The following FIGNL2 variants were observed in gnomAD, a reference collection of about 807,000 sequenced individuals.
FIGNL2 encodes fidgetin like 2.
For missense variants in FIGNL2, 1,060 were observed against 950.2 expected (o/e 1.12, Z -1.52); for synonymous variants, 565 against 484.0 (o/e 1.17, Z -2.20).
At chr12:51,823,058 A>T (rs1939260730) in intron 1 of FIGNL2, among the ~76,000 whole-genome samples, 1 of 152,186 alleles carries the variant, frequency 6.6e-6, no homozygotes, top group South Asian at 2.1e-4. Flanking sequence ...ATCCATGGGA[A>T]ACCTCAGTGG....
intron 1 of FIGNL2, among the ~76,000 whole-genome samples, chr12:51,832,165 C>T: frequency 6.6e-6 from 1 of 151,990 alleles, no homozygotes; most frequent in Non-Finnish European, 1.5e-5. Flanking sequence ...TACAAGTGCC[C>T]ACCACCACGC....
Position 51,822,022 on chromosome 12 carries a change from C to T in FIGNL2, c.392G>A (p.Gly131Asp). The change falls in exon 2 of 2, where the codon GGC becomes GAC. Residue 131 changes from glycine to aspartate, a missense_variant. Coordinates refer to ENST00000618634, the MANE Select transcript of FIGNL2 (RefSeq NM_001384995.1). ...GAGGTTCCCGGCTAAAACTGGGGAG[C>T]CCCCCAGGGCCCCGGAACCGCCGCC... is the stretch of plus-strand genomic sequence containing the variant. ...GGGGGSGALG[G>D]SPVLAGNLPE... 1.2e-6 allele frequency: 2 copies of T among 1,601,118 alleles called. No individual in the cohort carries two copies. Among genetic ancestry groups the T allele is most frequent in the Non-Finnish European group, 1.7e-6 (2 of 1,174,734 alleles).
intron 1 of FIGNL2, among the ~76,000 whole-genome samples, chr12:51,846,373 A>C (rs1423234999): frequency 6.6e-6 from 1 of 152,176 alleles, no homozygotes; most frequent in Non-Finnish European, 1.5e-5. Context: ...ACAATGAGGA[A>C]GGCATTTGGC....
chr12:51,842,597 T>A (rs1290480950), intron 1 of FIGNL2, among the ~76,000 whole-genome samples: 1 of 152,114 alleles, frequency 6.6e-6, no homozygotes, highest in Non-Finnish European at 1.5e-5. Context: ...CGGCTGCAGG[T>A]GGACCCTCCC....
intron 1 of FIGNL2, among the ~76,000 whole-genome samples, chr12:51,826,523 C>T (rs1172943441): frequency 6.6e-6 from 1 of 151,296 alleles, no homozygotes; most frequent in Non-Finnish European, 1.5e-5. Context: ...CCTGTAATCC[C>T]AGCTACTTGG....
rs763435303 is a variant in FIGNL2, at chr12:51,820,473, T to G, written c.1941A>C (p.Lys647Asn). 1 of 1,590,438 alleles carries G rather than the reference T, an allele frequency of 6.3e-7. No individual in the cohort carries two copies. The highest frequency in any genetic ancestry group is 1.1e-5 in the South Asian group (1 of 89,022). Reference sequence around the variant, plus strand: ...GCCGTCAGTGTCCGGAGCCGTACATTTTGTCCCACTCCACGAACGAGTCCA... The same window carrying G: ...GCCGTCAGTGTCCGGAGCCGTACATGTTGTCCCACTCCACGAACGAGTCCA... ...KELDSFVEWD[K>N]MYGSGH is the part of the protein sequence containing the mutation. The change falls in exon 2 of 2, where the codon AAA becomes AAC. Residue 647 changes from lysine to asparagine, a missense_variant. Physicochemically the swap from Lys to Asn is moderately conservative, Grantham distance 94 (BLOSUM62 0). Transcript: ENST00000618634.
Position 51,825,619 on chromosome 12 carries a change from C to CTTT in FIGNL2, c.-11-3198_-11-3196dup, listed in dbSNP as rs770930359. 1.0e-3 allele frequency among the ~76,000 whole-genome samples: 138 copies of CTTT among 134,862 alleles called. 1 individual carries two copies. The highest frequency in any genetic ancestry group is 1.4e-3 in the Non-Finnish European group (87 of 62,426). The allele number at this position is 134,862 out of a possible 152,430, so 88.5% of individuals were successfully genotyped here. On this transcript the variant is annotated intron_variant, in intron 1 of 1. Transcript: ENST00000618634. Reference sequence around the variant, plus strand: ...GAGAGGGGAACTTGTCCATGACACTCTTTTTTTTTTTTTTTGAGACGGAGT... The same window carrying CTTT: ...GAGAGGGGAACTTGTCCATGACACTCTTTTTTTTTTTTTTTTTTGAGACGGAGT...
At position 51,821,164 on chromosome 12, in the gene FIGNL2, G is replaced by A; in HGVS notation, c.1250C>T (p.Ala417Val). The A allele has an allele frequency of 6.8e-7, 1 of 1,478,416 alleles. No individual in the cohort carries two copies. The highest frequency in any genetic ancestry group is 8.9e-7 in the Non-Finnish European group (1 of 1,125,276). The allele number at this position is 1,478,416 out of a possible 1,614,324, so 91.6% of individuals were successfully genotyped here. ...ELVWPLLRPP[A>V]YPGSLRPPRT... is the part of the protein sequence containing the mutation. ...CGGCGGGCGCAGGCTGCCCGGGTAG[G>A]CGGGCGGCCTGAGCAGGGGCCACAC... is the stretch of plus-strand genomic sequence containing the variant. The change falls in exon 2 of 2, where the codon GCC becomes GTC. Residue 417 changes from alanine to valine, a missense_variant. Coordinates refer to ENST00000618634, the MANE Select transcript of FIGNL2 (RefSeq NM_001384995.1).
At chr12:51,836,611 C>T (rs900869924) in intron 1 of FIGNL2, among the ~76,000 whole-genome samples, 10 of 152,192 alleles carry the variant, frequency 6.6e-5, no homozygotes, top group South Asian at 2.1e-4. Context: ...CTGTTGGTGC[C>T]GGATTATCCC....
At chr12:51,826,704 A>T (rs1416549002) in intron 1 of FIGNL2, among the ~76,000 whole-genome samples, 2 of 151,852 alleles carry the variant, frequency 1.3e-5, no homozygotes, top group African/African-American at 4.8e-5. Context: ...AACTTCTGCT[A>T]AACTTAGTTC....
rs1939132939 is a variant in FIGNL2 at position 51,820,072 on chromosome 12, T to A, written c.*380A>T. Reference sequence around the variant, plus strand: ...GAGAAAACCAAGAGAATGCAGAGAATGGGATGGAGAGAGTGAGGGAGAAGG... The same window carrying A: ...GAGAAAACCAAGAGAATGCAGAGAAAGGGATGGAGAGAGTGAGGGAGAAGG... On this transcript the variant is annotated 3_prime_UTR_variant, in exon 2 of 2. Coordinates refer to ENST00000618634, the MANE Select transcript of FIGNL2 (RefSeq NM_001384995.1). 1 of 231,154 alleles carries A rather than the reference T, an allele frequency of 4.3e-6. No homozygotes were observed. Among genetic ancestry groups the A allele is most frequent in the Non-Finnish European group, 8.5e-6 (1 of 118,134 alleles). The allele number at this position is 231,154 out of a possible 1,614,324, so 14.3% of individuals were successfully genotyped here.
rs1435468686 is a variant in FIGNL2 at position 51,821,800 on chromosome 12, T to G, written c.614A>C (p.Tyr205Ser). ...GYGPSAPLYN[Y>S]PAGGYAAQPG... ...CTGCGCTGCGTAGCCCCCTGCGGGA[T>G]AGTTGTACAGCGGCGCTGAGGGCCC... The change falls in exon 2 of 2, where the codon TAT becomes TCT. Residue 205 changes from tyrosine to serine, a missense_variant. Transcript: ENST00000618634. The G allele has an allele frequency of 8.6e-6, 11 of 1,274,620 alleles. No homozygotes were observed. Among genetic ancestry groups the G allele is most frequent in the Non-Finnish European group, 9.8e-6 (10 of 1,015,928 alleles). The allele number at this position is 1,274,620 out of a possible 1,614,324, so 79.0% of individuals were successfully genotyped here.
Position 51,822,207 on chromosome 12 carries a change from C to A in FIGNL2, c.207G>T (p.Gly69=). ...LLKRYAEKYS[G]VLDSPYERPA... The stretch of plus-strand genomic sequence containing the variant: ...GACGCTCGTAGGGAGAATCCAAGAC[C>A]CCAGAGTACTTCTCTGCATAGCGCT... The change falls in exon 2 of 2, where the codon GGG becomes GGT. Residue 69 remains glycine (G), a synonymous_variant. Transcript: ENST00000618634. 1 of 1,611,912 alleles carries A rather than the reference C, an allele frequency of 6.2e-7. No individual in the cohort carries two copies. The highest frequency in any genetic ancestry group is 8.5e-7 in the Non-Finnish European group (1 of 1,179,132).
Position 51,827,651 on chromosome 12 carries a change from T to C in FIGNL2, c.-11-5227A>G, listed in dbSNP as rs367615983. ...AATTACAAATTCAGAACCCAAGCAG[T>C]GCCCCAACCTTGCTGAGTGACACTA... On this transcript the variant is annotated intron_variant, in intron 1 of 1. Coordinates refer to ENST00000618634, the MANE Select transcript of FIGNL2 (RefSeq NM_001384995.1). 7.9e-5 allele frequency among the ~76,000 whole-genome samples: 12 copies of C among 152,334 alleles called. No individual in the cohort carries two copies. The East Asian group carries it at 1.5e-3, about 20-fold the overall frequency.
At chr12:51,844,878 TG>T in intron 1 of FIGNL2, 1 of 985,380 alleles carries the variant, frequency 1.0e-6, no homozygotes, top group Non-Finnish European at 1.2e-6. Context: ...CGCTTGGTTC[TG>T]GCGGTCCTAC....
At chr12:51,843,173 C>T (rs1231881120) in intron 1 of FIGNL2, among the ~76,000 whole-genome samples, 6 of 152,108 alleles carry the variant, frequency 3.9e-5, no homozygotes, top group Non-Finnish European at 5.9e-5. Flanking sequence ...TGGACACCCG[C>T]GGGAGCAGCT....
chr12:51,823,643 T>C (rs1023443667), intron 1 of FIGNL2: 1 of 152,206 alleles, frequency 6.6e-6, no homozygotes, highest in African/African-American at 2.4e-5. Context: ...TGATAAAATA[T>C]CTCAAAGACT....
intron 1 of FIGNL2, among the ~76,000 whole-genome samples, chr12:51,834,018 CGGATGGAT>C (rs1190983636): frequency 2.0e-5 from 2 of 100,044 alleles, no homozygotes; most frequent in East Asian, 5.4e-4. Flanking sequence ...GACAAATGGA[CGGATGGAT>C]GGATGGATGG....
intron 1 of FIGNL2, among the ~76,000 whole-genome samples, chr12:51,826,632 TC>T (rs199661054): frequency 0.39 from 41,101 of 105,256 alleles, 6,396 homozygotes; most frequent in Admixed American, 0.47. Context: ...AGAGCGAAAC[TC>T]CCATCTCAAA....
Sources: gnomAD v4.1 joint callset for allele counts (sites outside exome capture counted in the v4.1 genomes callset) on GRCh38, gnomAD v4.1.1 for gene constraint, MANE v1.5 for transcripts, NCBI Gene and HGNC (gene_info 2026-07-23, HGNC 2026-07-21) for gene names.